NMI: variants seen among roughly 807,000 people sequenced by gnomAD.
The protein encoded by NMI is N-myc and STAT interactor.
NMI carries 39 observed loss-of-function variants against 34.3 expected under a neutral mutation model. The ratio of observed to expected loss-of-function variants is 1.14; its 90% CI spans 0.88 to 1.49. NMI has a LOEUF of 1.49. Among genes scored for constraint, NMI ranks in the 40% most tolerant of loss-of-function variants. The pLI is 0.00. For synonymous variants in NMI, 113 were observed against 120.3 expected (o/e 0.94, Z 0.40); for missense variants, 339 against 358.1 (o/e 0.95, Z 0.43).
chr2:151,279,026 C>T lies in NMI; in HGVS notation c.178-36G>A, dbSNP rs200337474. 272 of 1,402,308 alleles carry T rather than the reference C, an allele frequency of 1.9e-4. 1 individual carries two copies. In the Middle Eastern group the frequency reaches 2.5e-3, roughly 13 times the overall value. The allele number at this position is 1,402,308 out of a possible 1,614,324, so 86.9% of individuals were successfully genotyped here. A position where few individuals can be genotyped will look rare whatever the true frequency, so the allele number is the denominator to read the frequency against. On this transcript the variant is annotated intron_variant, in intron 3 of 7. Transcript: ENST00000243346. ...TGAAAATGTTTGATTAAAATCAAGA[C>T]GAGAAATAACTTAAGTCCTTCCAAT...
At chr2:151,283,101 AT>A (rs1193187045) in intron 1 of NMI, 147 bp from the exon 2 acceptor site, 4 of 432,210 alleles carry the variant, frequency 9.3e-6, no homozygotes, top group African/African-American at 8.2e-5. Context: ...TTATTATCAT[AT>A]GGCTTATATC....
In NMI at chr2:151,271,603, TGAG is replaced by T. The variant is rs760448080; in HGVS notation, c.741+20_741+22del. On this transcript the variant is annotated intron_variant, in intron 7 of 7. Transcript: ENST00000243346. ...GGGTTTGGGCAGTGAGTTCTGAAAA[TGAG>T]AGAACAGAGATGACTTTACCTGATA... The T allele has an allele frequency of 8.1e-7, 1 of 1,229,894 alleles. No homozygotes were observed. The highest frequency in any genetic ancestry group is 1.2e-6 in the Non-Finnish European group (1 of 835,208). 76.2% of individuals were successfully genotyped at this position (1,229,894 alleles called of 1,614,324 possible). A position where few individuals can be genotyped will look rare whatever the true frequency, so the allele number is the denominator to read the frequency against.
intron 1 of NMI, among the ~76,000 whole-genome samples, chr2:151,286,161 T>C (rs142977837): frequency 1.3e-5 from 2 of 152,226 alleles, no homozygotes; most frequent in African/African-American, 4.8e-5. Context: ...AAGTAAATAA[T>C]GGAATAAATC....
rs1683163537 is a variant in NMI at position 151,270,478 on chromosome 2, A to G, written c.*215T>C. ...CACCAATACACATAATCTATAAACA[A>G]AACTTTTTATTACAGTGCACTTATT... On this transcript the variant is annotated 3_prime_UTR_variant, in exon 8 of 8. Transcript: ENST00000243346. The G allele has an allele frequency of 1.9e-6, 1 of 518,694 alleles. No homozygotes were observed. The allele number at this position is 518,694 out of a possible 1,614,324, so 32.1% of individuals were successfully genotyped here. A position where few individuals can be genotyped will look rare whatever the true frequency, so the allele number is the denominator to read the frequency against.
chr2:151,275,373 T>C, intron 6 of NMI, 111 bp downstream of exon 6: 1 of 974,580 alleles, frequency 1.0e-6, no homozygotes, highest in Non-Finnish European at 1.5e-6. Context: ...AATCCCCAAT[T>C]ATCATGCTAA....
intron 1 of NMI, among the ~76,000 whole-genome samples, chr2:151,283,604 TC>T (rs1422114887): frequency 6.6e-6 from 1 of 152,248 alleles, no homozygotes; most frequent in Non-Finnish European, 1.5e-5. Context: ...ATTTTGGTTT[TC>T]CAACGTTTTT....
intron 6 of NMI, among the ~76,000 whole-genome samples, chr2:151,273,045 G>A (rs1054765916): frequency 1.3e-4 from 20 of 151,400 alleles, no homozygotes; most frequent in African/African-American, 4.9e-4. Context: ...AATGTACTTA[G>A]TACCCTTGAA....
intron 1 of NMI, among the ~76,000 whole-genome samples, chr2:151,288,491 A>T (rs2105214506): frequency 6.6e-6 from 1 of 152,312 alleles, no homozygotes; most frequent in South Asian, 2.1e-4. Flanking sequence ...AACCCTGCCA[A>T]CACTTTGATT....
At chr2:151,289,394 G>C (rs1352060843) in intron 1 of NMI, among the ~76,000 whole-genome samples, 199 bp downstream of exon 1, 1 of 152,234 alleles carries the variant, frequency 6.6e-6, no homozygotes, top group African/African-American at 2.4e-5. Flanking sequence ...AGCGGGCCCA[G>C]GAGCAGGTGC....
chr2:151,288,571 G>A (rs564138385), intron 1 of NMI, among the ~76,000 whole-genome samples: 22 of 150,540 alleles, frequency 1.5e-4, no homozygotes, highest in African/African-American at 5.4e-4. Flanking sequence ...GTGAGTGTGT[G>A]TGTGTGTGTG....
rs1057487039 is a variant in NMI, at chr2:151,282,158, C to T, written c.82-115G>A. The T allele has an allele frequency of 5.0e-6, 3 of 602,250 alleles. No homozygotes were observed. In the African/African-American group the frequency reaches 5.7e-5, roughly 11 times the overall value. The allele number at this position is 602,250 out of a possible 1,614,324, so 37.3% of individuals were successfully genotyped here. Reference sequence around the variant, plus strand: ...TGACCAAAGAAAGACATTAGACAGTCTCAGAATAAATATGACTATGTGAAT... The same window carrying T: ...TGACCAAAGAAAGACATTAGACAGTTTCAGAATAAATATGACTATGTGAAT... On this transcript the variant is annotated intron_variant, in intron 2 of 7. Transcript: ENST00000243346.
chr2:151,275,827 T>G lies in NMI; in HGVS notation c.378A>C (p.Val126=), dbSNP rs368159516. The change falls in exon 5 of 8, where the codon GTA becomes GTC. Residue 126 remains valine, a synonymous_variant. Coordinates refer to ENST00000243346, the MANE Select transcript of NMI (RefSeq NM_004688.3). The stretch of plus-strand genomic sequence containing the variant: ...CCTCCAGATTTACATCTTTTATCTG[T>G]ACATGATGTTTACTCATGCTTACCA... ...QNVVSMSKHH[V]QIKDVNLEVT... The G allele has an allele frequency of 1.9e-6, 3 of 1,610,868 alleles. No individual in the cohort carries two copies. In the South Asian group the frequency reaches 3.3e-5, roughly 18 times the overall value.
intron 6 of NMI, 108 bp from the exon 7 acceptor site, chr2:151,271,840 A>G: frequency 1.7e-6 from 1 of 600,176 alleles, no homozygotes; most frequent in Non-Finnish European, 2.9e-6. Flanking sequence ...TATTGAGTTA[A>G]AAGATTAATT....
intron 3 of NMI, 125 bp downstream of exon 3, chr2:151,281,822 TA>T: frequency 3.1e-6 from 2 of 653,298 alleles, no homozygotes; most frequent in Non-Finnish European, 5.5e-6. Context: ...CATTTTGAAC[TA>T]TTACAAATGG....
At chr2:151,282,254 A>G (rs914729219) in intron 2 of NMI, among the ~76,000 whole-genome samples, 11 of 152,212 alleles carry the variant, frequency 7.2e-5, no homozygotes, top group Non-Finnish European at 2.9e-5. Context: ...TATCTCCATT[A>G]TATAAATCAG....
chr2:151,278,637 G>A (rs991762353), intron 4 of NMI, 191 bp downstream of exon 4: 5 of 534,784 alleles, frequency 9.3e-6, no homozygotes, highest in African/African-American at 7.6e-5. Flanking sequence ...CTGAATACAA[G>A]ATCATATTCA....
intron 4 of NMI, among the ~76,000 whole-genome samples, 168 bp from the exon 5 acceptor site, chr2:151,276,032 C>T (rs563261291): frequency 1.9e-4 from 29 of 152,118 alleles, no homozygotes; most frequent in African/African-American, 4.8e-4. Flanking sequence ...GGTCTTGCTA[C>T]CAAAGTAGAA....
At position 151,280,676 on chromosome 2, in the gene NMI, A is replaced by C. The variant is rs1471800275; in HGVS notation, c.177+1272T>G. ...GTCGACTAGGGCTGGCCGGTTTCTA[A>C]AGGCTCTTTGAGTTATAAGACTGCA... On this transcript the variant is annotated intron_variant, in intron 3 of 7. Transcript: ENST00000243346. 2.6e-5 allele frequency among the ~76,000 whole-genome samples: 4 copies of C among 152,148 alleles called. No individual in the cohort carries two copies. In the East Asian group the frequency reaches 7.7e-4, roughly 29 times the overall value.
intron 4 of NMI, chr2:151,277,162 A>T (rs1166387314): frequency 6.6e-6 from 1 of 151,850 alleles, no homozygotes; most frequent in East Asian, 1.9e-4. Flanking sequence ...AAGAGAAAAA[A>T]GGGCCAGAAG....
Sources: gnomAD v4.1 joint callset for allele counts (sites outside exome capture counted in the v4.1 genomes callset) on GRCh38, gnomAD v4.1.1 for gene constraint, MANE v1.5 for transcripts, NCBI Gene and HGNC (gene_info 2026-07-23, HGNC 2026-07-21) for gene names.